The following MEIS1 variants were observed in gnomAD, a reference collection of about 807,000 sequenced individuals.
The protein encoded by MEIS1 is homeobox protein Meis1.
A neutral mutation model predicts 50.8 loss-of-function variants in MEIS1; 5 were observed. The ratio of observed to expected loss-of-function variants is 0.10; its 90% CI spans 0.05 to 0.21. MEIS1 has a LOEUF of 0.21. Among genes scored for constraint, MEIS1 ranks in the 10% least tolerant of loss-of-function variants. MEIS1 has a pLI of 1.00. For synonymous variants in MEIS1, 176 were observed against 179.3 expected (o/e 0.98, Z 0.15); for missense variants, 318 against 517.3 (o/e 0.61, Z 3.74).
At chr2:66,542,383 A>G in intron 8 of MEIS1, among the ~76,000 whole-genome samples, 1 of 152,100 alleles carries the variant, frequency 6.6e-6, no homozygotes, top group East Asian at 1.9e-4. Flanking sequence ...TGGAGGAGGC[A>G]AAGGGCTGGA....
chr2:66,527,021 G>A (rs1479949724), intron 8 of MEIS1, among the ~76,000 whole-genome samples: 2 of 152,072 alleles, frequency 1.3e-5, no homozygotes, highest in African/African-American at 2.4e-5. Context: ...TCATCACTTC[G>A]TTCAAAAGAG....
At chr2:66,554,111 G>T (rs992363384) in intron 9 of MEIS1, among the ~76,000 whole-genome samples, 12 of 152,162 alleles carry the variant, frequency 7.9e-5, no homozygotes, top group African/African-American at 2.7e-4. Context: ...GAATTATGTC[G>T]GGACCCTGTA....
At chr2:66,473,142 G>A (rs899488791) in intron 7 of MEIS1, among the ~76,000 whole-genome samples, 2 of 151,862 alleles carry the variant, frequency 1.3e-5, no homozygotes, top group Admixed American at 6.6e-5. Flanking sequence ...ACTTTGGGAC[G>A]CCAAGGTGGG....
intron 8 of MEIS1, among the ~76,000 whole-genome samples, chr2:66,513,517 A>C (rs565199083): frequency 6.6e-6 from 1 of 152,194 alleles, no homozygotes; most frequent in Admixed American, 6.5e-5. Context: ...TGTGCCTCTA[A>C]TAATACTCAA....
At chr2:66,497,706 G>C (rs774900738) in intron 7 of MEIS1, among the ~76,000 whole-genome samples, 16 of 152,116 alleles carry the variant, frequency 1.1e-4, no homozygotes, top group Non-Finnish European at 1.9e-4. Context: ...AGCAGCCCAG[G>C]CAACATGTGA....
chr2:66,523,444 T>C (rs1396014197), intron 8 of MEIS1, among the ~76,000 whole-genome samples: 1 of 152,228 alleles, frequency 6.6e-6, no homozygotes, highest in African/African-American at 2.4e-5. Context: ...TAGGTTGTTC[T>C]TATGTGTTAC....
intron 6 of MEIS1, among the ~76,000 whole-genome samples, chr2:66,455,922 C>T (rs1672377538): frequency 6.6e-6 from 1 of 152,056 alleles, no homozygotes; most frequent in Non-Finnish European, 1.5e-5. Context: ...CATGTGAACC[C>T]ATGTGCACAC....
chr2:66,536,991 T>C (rs1379068040), intron 8 of MEIS1, among the ~76,000 whole-genome samples: 2 of 152,252 alleles, frequency 1.3e-5, no homozygotes, highest in Non-Finnish European at 2.9e-5. Context: ...GTCATCTTTA[T>C]GGCTATTCTA....
At chr2:66,467,083 A>G (rs1672656607) in intron 7 of MEIS1, among the ~76,000 whole-genome samples, 2 of 152,138 alleles carry the variant, frequency 1.3e-5, no homozygotes, top group African/African-American at 2.4e-5. Flanking sequence ...ATACATCTCA[A>G]CTGAGTCCTA....
chr2:66,557,860 A>G (rs191811768), intron 9 of MEIS1, among the ~76,000 whole-genome samples: 8 of 152,336 alleles, frequency 5.3e-5, no homozygotes, highest in Admixed American at 4.6e-4. Context: ...AAACACTGCT[A>G]GAAAACTTGC....
intron 6 of MEIS1, among the ~76,000 whole-genome samples, chr2:66,451,929 GA>G (rs199644435): frequency 1.8e-3 from 274 of 149,296 alleles, no homozygotes; most frequent in African/African-American, 5.9e-3. Context: ...CTTCCTGAAG[GA>G]AAAAAAAAGC....
intron 7 of MEIS1, among the ~76,000 whole-genome samples, chr2:66,500,178 C>A (rs1673516224): frequency 6.6e-6 from 1 of 152,138 alleles, no homozygotes; most frequent in African/African-American, 2.4e-5. Context: ...AGTATACGAG[C>A]TTTACCACAT....
intron 8 of MEIS1, among the ~76,000 whole-genome samples, chr2:66,519,385 C>T (rs1674055651): frequency 6.6e-6 from 1 of 152,088 alleles, no homozygotes; most frequent in African/African-American, 2.4e-5. Context: ...AGCACTTTCA[C>T]TTCAGTATTG....
Position 66,571,496 on chromosome 2 carries a change from G to C in MEIS1, c.*288G>C, listed in dbSNP as rs1406345899. 2 of 1,581,534 alleles carry C rather than the reference G, an allele frequency of 1.3e-6. No homozygotes were observed. The highest frequency in any genetic ancestry group is 2.3e-5 in the South Asian group (2 of 87,094). ...TTCTTAATACAGGAGACCCAACAATGAGTGGACAAGTCATGGACATTCATG... is the reference window on the plus strand; with the variant it reads ...TTCTTAATACAGGAGACCCAACAATCAGTGGACAAGTCATGGACATTCATG... On this transcript the variant is annotated 3_prime_UTR_variant, in exon 13 of 13. Coordinates refer to ENST00000272369, the MANE Select transcript of MEIS1 (RefSeq NM_002398.3).
chr2:66,499,696 TAAAA>T (rs35294226), intron 7 of MEIS1, among the ~76,000 whole-genome samples: 6 of 127,704 alleles, frequency 4.7e-5, no homozygotes, highest in Non-Finnish European at 1.0e-4. Flanking sequence ...GTACATAGGT[TAAAA>T]AAAAAAAAAA....
chr2:66,539,108 C>T (rs1454360679), intron 8 of MEIS1, among the ~76,000 whole-genome samples: 3 of 152,128 alleles, frequency 2.0e-5, no homozygotes, highest in Non-Finnish European at 2.9e-5. Flanking sequence ...GGGATGATCT[C>T]GATCTCCTGA....
At chr2:66,442,416 C>T (rs943951634) in intron 5 of MEIS1, among the ~76,000 whole-genome samples, 4 of 151,428 alleles carry the variant, frequency 2.6e-5, no homozygotes, top group South Asian at 2.1e-4. Flanking sequence ...GAGATAAAAA[C>T]CTTCATTACA....
chr2:66,539,504 C>T (rs982341794), intron 8 of MEIS1, among the ~76,000 whole-genome samples: 19 of 152,164 alleles, frequency 1.2e-4, no homozygotes, highest in Non-Finnish European at 4.4e-5. Context: ...TATGTTACCA[C>T]CAAGTTTCAA....
At chr2:66,452,569 TG>T (rs1240617364) in intron 6 of MEIS1, among the ~76,000 whole-genome samples, 1 of 151,976 alleles carries the variant, frequency 6.6e-6, no homozygotes, top group Non-Finnish European at 1.5e-5. Context: ...ATAGTTTTCT[TG>T]GCTCTAGCTT....
Sources: gnomAD v4.1 joint callset for allele counts (sites outside exome capture counted in the v4.1 genomes callset) on GRCh38, gnomAD v4.1.1 for gene constraint, MANE v1.5 for transcripts, NCBI Gene and HGNC (gene_info 2026-07-23, HGNC 2026-07-21) for gene names.